ZNF92: variants seen among roughly 807,000 people sequenced by gnomAD.
The protein encoded by ZNF92 is zinc finger protein 92.
Under a neutral mutation model 12.4 loss-of-function variants are expected in ZNF92, and 11 were observed. The observed-to-expected ratio is 0.89, with a 90% CI of 0.56 to 1.47. The LOEUF (loss-of-function observed/expected upper bound fraction) is 1.47. ZNF92 is among the 40% of genes most tolerant of loss of function. The probability of loss-of-function intolerance (pLI) is 0.00; values close to 1 mark genes in which losing one functional copy is unlikely to be tolerated. For synonymous variants in ZNF92, 206 were observed against 228.6 expected (o/e 0.90, Z 0.89); for missense variants, 622 against 681.0 (o/e 0.91, Z 0.96).
intron 1 of ZNF92, among the ~76,000 whole-genome samples, chr7:65,381,485 T>C (rs1793418467): frequency 6.6e-6 from 1 of 152,062 alleles, no homozygotes; most frequent in South Asian, 2.1e-4. Context: ...ACTCTGTTGA[T>C]AGTTTCTTGT....
intron 3 of ZNF92, among the ~76,000 whole-genome samples, chr7:65,389,556 C>T (rs1049681288): frequency 5.3e-5 from 8 of 151,784 alleles, no homozygotes; most frequent in Non-Finnish European, 1.0e-4. Context: ...CTCGCTCTGT[C>T]GCCAGGCTGG....
intron 3 of ZNF92, 141 bp from the exon 4 acceptor site, chr7:65,398,200 T>C (rs1424220896): frequency 2.3e-5 from 15 of 654,944 alleles, no homozygotes; most frequent in Non-Finnish European, 3.4e-5. Flanking sequence ...TACATTTATA[T>C]TTCTGTAAGG....
chr7:65,377,755 C>T (rs1793287115), intron 1 of ZNF92, among the ~76,000 whole-genome samples: 2 of 151,884 alleles, frequency 1.3e-5, no homozygotes, highest in African/African-American at 4.8e-5. Flanking sequence ...TTAGTAGAGA[C>T]GGGGTTTCAC....
At chr7:65,383,554 T>C (rs1177008661) in intron 1 of ZNF92, among the ~76,000 whole-genome samples, 1 of 152,164 alleles carries the variant, frequency 6.6e-6, no homozygotes, top group African/African-American at 2.4e-5. Context: ...GACCTGTTAC[T>C]GTTACGTGAG....
In ZNF92 at chr7:65,400,713, AAAT is replaced by A. The variant is rs1312014941; in HGVS notation, c.*839_*841del. On this transcript the variant is annotated 3_prime_UTR_variant, in exon 4 of 4. Transcript: ENST00000328747. Reference sequence around the variant, plus strand: ...TCAAAGTATACTTTTTTCTTGAAAAAAATTACAGATTTTTTGAAAAGCAATTGA... The same window carrying A: ...TCAAAGTATACTTTTTTCTTGAAAAATACAGATTTTTTGAAAAGCAATTGA... 1.3e-5 allele frequency: 2 copies of A among 152,080 alleles called. No individual in the cohort carries two copies. The highest frequency in any genetic ancestry group is 1.5e-5 in the Non-Finnish European group (1 of 67,892). The allele number at this position is 152,080 out of a possible 1,614,324, so 9.4% of individuals were successfully genotyped here. A position where few individuals can be genotyped will look rare whatever the true frequency, so the allele number is the denominator to read the frequency against.
At chr7:65,383,220 T>G (rs182256314) in intron 1 of ZNF92, among the ~76,000 whole-genome samples, 3 of 152,242 alleles carry the variant, frequency 2.0e-5, no homozygotes, top group Non-Finnish European at 4.4e-5. Flanking sequence ...ACTGTCTACT[T>G]ACATTTGTGG....
At chr7:65,377,994 G>C (rs1000106137) in intron 1 of ZNF92, among the ~76,000 whole-genome samples, 2 of 152,152 alleles carry the variant, frequency 1.3e-5, no homozygotes, top group Non-Finnish European at 2.9e-5. Context: ...GGCAGACAAG[G>C]GCTTTCTTTC....
At position 65,375,199 on chromosome 7, in the gene ZNF92, G is replaced by C. The variant is rs556432986; in HGVS notation, c.3+1199G>C. On this transcript the variant is annotated intron_variant, in intron 1 of 3. Coordinates refer to ENST00000328747, the MANE Select transcript of ZNF92 (RefSeq NM_152626.4). ...ATCAGAATGTTTTTGGGTCATGGTT[G>C]CTTTCCCTTTGGAAACTTTATGGGG... Among the ~76,000 whole-genome samples the C allele has an allele frequency of 4.5e-4, 68 of 152,126 alleles. 1 individual carries two copies. Among genetic ancestry groups the C allele is most frequent in the African/African-American group, 1.5e-3 (64 of 41,486 alleles).
At chr7:65,389,673 C>T (rs1005706911) in intron 3 of ZNF92, among the ~76,000 whole-genome samples, 13 of 151,822 alleles carry the variant, frequency 8.6e-5, no homozygotes, top group African/African-American at 2.9e-4. Flanking sequence ...TGCACCACCA[C>T]GTCCAGCTAA....
intron 2 of ZNF92, 73 bp downstream of exon 2, chr7:65,388,101 G>A (rs1356704972): frequency 2.7e-6 from 4 of 1,482,298 alleles, no homozygotes; most frequent in Middle Eastern, 1.8e-4. Flanking sequence ...AATGTTTTTT[G>A]GTAATTTATG....
rs77498637 is a variant in ZNF92, at chr7:65,400,341, A to G, written c.*466A>G. On this transcript the variant is annotated 3_prime_UTR_variant, in exon 4 of 4. Transcript: ENST00000328747. ...GAAAACCCTAAAGCATTAGTTGCTCAAACTTTGTTCGACATCAGGGAATTT... is the reference window on the plus strand; with the variant it reads ...GAAAACCCTAAAGCATTAGTTGCTCGAACTTTGTTCGACATCAGGGAATTT... The G allele has an allele frequency of 0.037, 5,676 of 152,294 alleles. 186 individuals carry two copies. The highest frequency in any genetic ancestry group is 0.16 in the East Asian group (816 of 5,174). 9.4% of individuals were successfully genotyped at this position (152,294 alleles called of 1,614,324 possible).
Position 65,398,638 on chromosome 7 carries a change from G to T in ZNF92, c.524G>T (p.Cys175Phe), listed in dbSNP as rs1282086986. 1.2e-6 allele frequency: 2 copies of T among 1,611,934 alleles called. No individual in the cohort carries two copies. Among genetic ancestry groups the T allele is most frequent in the South Asian group, 2.2e-5 (2 of 90,598 alleles). Residue 175 changes from cysteine (C) to phenylalanine (F), a missense_variant, in exon 4 of 4, where the codon TGT (cysteine) becomes TTT (phenylalanine). Coordinates refer to ENST00000328747, the MANE Select transcript of ZNF92 (RefSeq NM_152626.4). ...IRHTGKKPFK[C>F]KNRGKSFCML... ...CATACTGGAAAGAAACCTTTCAAAT[G>T]TAAAAACCGTGGCAAATCATTTTGC...
chr7:65,385,381 A>C (rs1428912794), intron 1 of ZNF92, among the ~76,000 whole-genome samples: 1 of 152,144 alleles, frequency 6.6e-6, no homozygotes, highest in Non-Finnish European at 1.5e-5. Flanking sequence ...ATTGTTCTGG[A>C]AACATCCATA....
At chr7:65,374,387 T>G (rs1348479240) in intron 1 of ZNF92, among the ~76,000 whole-genome samples, 1 of 152,104 alleles carries the variant, frequency 6.6e-6, no homozygotes, top group East Asian at 1.9e-4. Context: ...TCAGGTCCTC[T>G]TTTTTCCTAT....
chr7:65,385,949 G>A (rs1793548537), intron 1 of ZNF92, among the ~76,000 whole-genome samples: 1 of 151,898 alleles, frequency 6.6e-6, no homozygotes, highest in Non-Finnish European at 1.5e-5. Context: ...CTCTACTTGT[G>A]CTTTTCCTCC....
chr7:65,379,633 T>G (rs1405490015), intron 1 of ZNF92, among the ~76,000 whole-genome samples: 3 of 152,096 alleles, frequency 2.0e-5, no homozygotes, highest in Non-Finnish European at 2.9e-5. Flanking sequence ...CCGCAGCATT[T>G]TTGAACCTGT....
intron 1 of ZNF92, among the ~76,000 whole-genome samples, chr7:65,382,794 T>C (rs922381541): frequency 6.6e-6 from 1 of 152,102 alleles, no homozygotes. Context: ...GGACCTAAAC[T>C]AGCGGCTCCA....
intron 1 of ZNF92, among the ~76,000 whole-genome samples, chr7:65,383,983 G>A (rs1046351709): frequency 5.3e-5 from 8 of 151,990 alleles, no homozygotes; most frequent in South Asian, 2.1e-4. Flanking sequence ...AATGAGTCAC[G>A]CCAAAAAATG....
Position 65,384,388 on chromosome 7 carries a change from C to T in ZNF92, c.4-3514C>T, listed in dbSNP as rs559151640. Among the ~76,000 whole-genome samples the T allele has an allele frequency of 3.9e-5, 6 of 152,192 alleles. No homozygotes were observed. The East Asian group carries it at 1.2e-3, about 29-fold the overall frequency. ...GAGGCCTTATTGAAGTCTGGCTTCA[C>T]CTTGGAGTCTAGCCTTACAGAACTG... On this transcript the variant is annotated intron_variant, in intron 1 of 3. Coordinates refer to ENST00000328747, the MANE Select transcript of ZNF92 (RefSeq NM_152626.4).
Sources: allele counts gnomAD v4.1 joint callset (sites outside exome capture counted in the v4.1 genomes callset), GRCh38; gene constraint gnomAD v4.1.1; transcripts MANE v1.5; gene names NCBI Gene and HGNC (gene_info 2026-07-23, HGNC 2026-07-21).